Variants in MBOAT1 observed in about 807,000 individuals in gnomAD.
MBOAT1 encodes the protein membrane-bound glycerophospholipid O-acyltransferase 1.
Under a neutral mutation model 64.4 loss-of-function variants are expected in MBOAT1, and 67 were observed. That is an observed-to-expected ratio of 1.04 (90% CI 0.85 to 1.27). MBOAT1 has a LOEUF of 1.27. Among genes scored for constraint, MBOAT1 ranks in the 50% most tolerant of loss-of-function variants. The pLI, the probability that MBOAT1 is intolerant of heterozygous loss-of-function variation, is 0.00. For missense variants in MBOAT1, 563 were observed against 604.6 expected (o/e 0.93, Z 0.72); for synonymous variants, 229 against 218.9 (o/e 1.05, Z -0.41).
intron 1 of MBOAT1, among the ~76,000 whole-genome samples, chr6:20,161,452 GA>G (rs1761856580): frequency 6.6e-6 from 1 of 151,974 alleles, no homozygotes; most frequent in East Asian, 1.9e-4. Flanking sequence ...CCACTCCATG[GA>G]AAAATTGTCT....
At chr6:20,102,781 C>T (rs1759839457) in intron 12 of MBOAT1, among the ~76,000 whole-genome samples, 1 of 152,180 alleles carries the variant, frequency 6.6e-6, no homozygotes, top group African/African-American at 2.4e-5. Flanking sequence ...TGTCATATGA[C>T]ACTTAATGAC....
At chr6:20,173,698 C>T (rs1762263870) in intron 1 of MBOAT1, among the ~76,000 whole-genome samples, 2 of 152,200 alleles carry the variant, frequency 1.3e-5, no homozygotes, top group Admixed American at 1.3e-4. Flanking sequence ...CTCCTGTAAT[C>T]TCAGCACTTT....
intron 8 of MBOAT1, 126 bp downstream of exon 8, chr6:20,124,282 G>A (rs1187172103): frequency 2.3e-6 from 2 of 882,492 alleles, no homozygotes; most frequent in South Asian, 1.7e-5. Flanking sequence ...AACTGACCCT[G>A]ACTCAACTGC....
rs1052594039 is a variant in MBOAT1, at chr6:20,148,452, T to C, written c.323+2733A>G. Among the ~76,000 whole-genome samples the C allele has an allele frequency of 1.9e-4, 29 of 152,064 alleles. 1 individual carries two copies. Among genetic ancestry groups the C allele is most frequent in the African/African-American group, 6.8e-4 (28 of 41,378 alleles). On this transcript the variant is annotated intron_variant, in intron 3 of 12. Coordinates refer to ENST00000324607, the MANE Select transcript of MBOAT1 (RefSeq NM_001080480.3). ...AGGGTTAGTTTCATATGGCAGCAAA[T>C]AGTAATCTTTCCCTCCTCTTCTCAG...
At chr6:20,133,821 T>C (rs948344487) in intron 4 of MBOAT1, among the ~76,000 whole-genome samples, 3 of 152,206 alleles carry the variant, frequency 2.0e-5, no homozygotes, top group Non-Finnish European at 2.9e-5. Flanking sequence ...TATTTACATG[T>C]GCTGTGGCCG....
intron 1 of MBOAT1, among the ~76,000 whole-genome samples, chr6:20,191,048 C>T (rs555946596): frequency 1.9e-4 from 29 of 152,340 alleles, no homozygotes; most frequent in African/African-American, 7.0e-4. Flanking sequence ...GCTATCATAT[C>T]TGCTGTGGTT....
At chr6:20,127,576 T>C (rs1268183707) in intron 6 of MBOAT1, among the ~76,000 whole-genome samples, 1 of 151,984 alleles carries the variant, frequency 6.6e-6, no homozygotes, top group African/African-American at 2.4e-5. Context: ...CTCATAGGAG[T>C]GCAAACCCTA....
chr6:20,173,624 C>T (rs1762261746), intron 1 of MBOAT1, among the ~76,000 whole-genome samples: 1 of 152,156 alleles, frequency 6.6e-6, no homozygotes, highest in Non-Finnish European at 1.5e-5. Flanking sequence ...ACATGCAGAG[C>T]TAGGCAGTGC....
At chr6:20,195,046 A>G (rs1581462001) in intron 1 of MBOAT1, among the ~76,000 whole-genome samples, 1 of 151,780 alleles carries the variant, frequency 6.6e-6, no homozygotes, top group South Asian at 2.1e-4. Flanking sequence ...TCTGCCTCCC[A>G]GGCTCAAGGA....
chr6:20,175,551 A>G (rs547076379), intron 1 of MBOAT1, among the ~76,000 whole-genome samples: 1 of 151,780 alleles, frequency 6.6e-6, no homozygotes, highest in East Asian at 1.9e-4. Context: ...GGTTCAAGCG[A>G]TTCTCCTGTC....
At chr6:20,121,402 C>A (rs1581403103) in intron 8 of MBOAT1, among the ~76,000 whole-genome samples, 2 of 152,218 alleles carry the variant, frequency 1.3e-5, no homozygotes, top group East Asian at 3.9e-4. Flanking sequence ...TGAGGCCATA[C>A]AAATTAATCA....
intron 8 of MBOAT1, among the ~76,000 whole-genome samples, chr6:20,123,831 C>T (rs537983837): frequency 3.9e-5 from 6 of 152,072 alleles, no homozygotes; most frequent in Non-Finnish European, 8.8e-5. Flanking sequence ...CCAGGGCGGG[C>T]AGATCACGAC....
At chr6:20,187,432 G>A (rs531825) in intron 1 of MBOAT1, among the ~76,000 whole-genome samples, 60,597 of 152,168 alleles carry the variant, frequency 0.4, 13,790 homozygotes, top group Admixed American at 0.56. Context: ...TAATGCATAC[G>A]GTGGGTGTTC....
rs538795861 is a variant in MBOAT1, at chr6:20,169,625, TAAAGAA to T, written c.100-16862_100-16857del. 5.1e-3 allele frequency among the ~76,000 whole-genome samples: 767 copies of T among 149,632 alleles called. 5 individuals are homozygous for T. Among genetic ancestry groups the T allele is most frequent in the Non-Finnish European group, 7.1e-3 (479 of 67,246 alleles). ...TCTCCGTTAAAAAAAAAAAGAAAAG[TAAAGAA>T]AAAGAAAAAACCTTATCCCACCCAA... On this transcript the variant is annotated intron_variant, in intron 1 of 12. Transcript: ENST00000324607.
At chr6:20,206,581 G>C (rs1763272864) in intron 1 of MBOAT1, among the ~76,000 whole-genome samples, 2 of 152,176 alleles carry the variant, frequency 1.3e-5, no homozygotes. Context: ...GGCATGGGCT[G>C]AGTGCATGAC....
chr6:20,116,331 C>CAA (rs149851534), intron 9 of MBOAT1, among the ~76,000 whole-genome samples: 1 of 145,938 alleles, frequency 6.9e-6, no homozygotes, highest in African/African-American at 2.5e-5. Context: ...GACTCCATCT[C>CAA]AAAAAAAAAA....
chr6:20,211,805 A>C (rs1763428841), intron 1 of MBOAT1, among the ~76,000 whole-genome samples: 1 of 152,184 alleles, frequency 6.6e-6, no homozygotes, highest in African/African-American at 2.4e-5. Context: ...TGATGAAAGA[A>C]ACACTGGTTT....
At chr6:20,135,255 T>G (rs1407069951) in intron 4 of MBOAT1, among the ~76,000 whole-genome samples, 1 of 152,110 alleles carries the variant, frequency 6.6e-6, no homozygotes, top group Non-Finnish European at 1.5e-5. Flanking sequence ...ATGTTTCTTC[T>G]TGAAACTAAG....
rs1581387577 is a variant in MBOAT1, at chr6:20,100,263, C to A, written c.*2023G>T. Among the ~76,000 whole-genome samples, 1 of 152,138 alleles carries A rather than the reference C, an allele frequency of 6.6e-6. No individual in the cohort carries two copies. The highest frequency in any genetic ancestry group is 1.5e-5 in the Non-Finnish European group (1 of 68,032). ...AAGACTTCACTGTAATATGATTATT[C>A]CACATACTCCACACCAATGGTAATA... On this transcript the variant is annotated 3_prime_UTR_variant, in exon 13 of 13. Transcript: ENST00000324607.
Sources: allele counts gnomAD v4.1 joint callset (sites outside exome capture counted in the v4.1 genomes callset), GRCh38; gene constraint gnomAD v4.1.1; transcripts MANE v1.5; gene names NCBI Gene and HGNC (gene_info 2026-07-23, HGNC 2026-07-21).